Variants in ADGRE5 observed in about 807,000 individuals in gnomAD.
ADGRE5 encodes adhesion G protein-coupled receptor E5.
In ADGRE5, 72 loss-of-function variants were observed where a neutral mutation model predicts 100.3. The ratio of observed to expected loss-of-function variants is 0.72; its 90% CI spans 0.59 to 0.87. The LOEUF (loss-of-function observed/expected upper bound fraction) is 0.87. ADGRE5 is among the 40% of genes least tolerant of loss of function. The pLI, the probability that ADGRE5 is intolerant of heterozygous loss-of-function variation, is 0.00. For missense variants in ADGRE5, 959 were observed against 1,094.7 expected, an observed-to-expected ratio of 0.88 and a Z score of 1.75; for synonymous variants, 439 against 447.8, an observed-to-expected ratio of 0.98 and a Z score of 0.25.
chr19:14,381,540 T>G lies in ADGRE5; in HGVS notation c.17T>G (p.Phe6Cys). 1.2e-6 allele frequency: 2 copies of G among 1,608,754 alleles called. No individual in the cohort carries two copies. The highest frequency in any genetic ancestry group is 1.7e-6 in the Non-Finnish European group (2 of 1,178,308). Residue 6 changes from phenylalanine to cysteine, a missense_variant, in exon 1 of 20, where the codon TTT (phenylalanine) becomes TGT (cysteine). This residue lies in a region of ADGRE5 where 114 missense variants were observed against 195.7 expected (regional missense o/e 0.58). Transcript: ENST00000242786. MGGRV[F>C]LAFCVWLTLP... ...GCTCCAACCATGGGAGGCCGCGTCTTTCTCGGTAAGTACTTTGGGGCCCCG... is the reference window on the plus strand; with the variant it reads ...GCTCCAACCATGGGAGGCCGCGTCTGTCTCGGTAAGTACTTTGGGGCCCCG...
Position 14,401,354 on chromosome 19 carries a change from C to T in ADGRE5, c.898-32C>T. The T allele has an allele frequency of 1.2e-6, 2 of 1,603,718 alleles. No individual in the cohort carries two copies. Among genetic ancestry groups the T allele is most frequent in the Non-Finnish European group, 1.7e-6 (2 of 1,174,002 alleles). ...TTCAGGCAACCCCTGTGGTCTGATG[C>T]TCCAGCGATTCTGTCACCCGCCACC... On this transcript the variant is annotated intron_variant, in intron 9 of 19. Coordinates refer to ENST00000242786, the MANE Select transcript of ADGRE5 (RefSeq NM_078481.4). The surrounding 1 kb of genome is among the most constrained non-coding windows in gnomAD (Gnocchi z 4.1).
chr19:14,386,735 T>C (rs1212170583), intron 1 of ADGRE5, among the ~76,000 whole-genome samples: 52 of 120,876 alleles, frequency 4.3e-4, no homozygotes, highest in South Asian at 1.8e-3. Context: ...GATGGCAGGC[T>C]GGGCACGGTG....
chr19:14,391,110 C>T, intron 4 of ADGRE5, 31 bp downstream of exon 4: 1 of 1,613,506 alleles, frequency 6.2e-7, no homozygotes, highest in Non-Finnish European at 8.5e-7. Flanking sequence ...TCTGACTTTC[C>T]ATCCATGAGG....
At position 14,406,146 on chromosome 19, in the gene ADGRE5, G is replaced by A. The variant is rs951488984; in HGVS notation, c.1822-185G>A. 1.3e-5 allele frequency among the ~76,000 whole-genome samples: 2 copies of A among 152,164 alleles called. No individual in the cohort carries two copies. Among genetic ancestry groups the A allele is most frequent in the Non-Finnish European group, 2.9e-5 (2 of 68,012 alleles). On this transcript the variant is annotated intron_variant, in intron 14 of 19. Transcript: ENST00000242786. This position sits in a 1 kb window ranked among gnomAD's most constrained non-coding sequence, Gnocchi z 6.0. Reference sequence around the variant, plus strand: ...TTGGAGCTGCCTGGCCACACCCCGAGTGCCCGCTCGCTTCTGAGCGTTGTT... The same window carrying A: ...TTGGAGCTGCCTGGCCACACCCCGAATGCCCGCTCGCTTCTGAGCGTTGTT...
chr19:14,395,253 A>T (rs1394951568), intron 4 of ADGRE5, among the ~76,000 whole-genome samples: 2 of 151,354 alleles, frequency 1.3e-5, no homozygotes, highest in Admixed American at 1.3e-4. Context: ...GTGAGCTGAG[A>T]TCACATCATT....
chr19:14,405,639 GAGGTC>G (rs1445009775), intron 13 of ADGRE5, 104 bp from the exon 14 acceptor site: 1 of 740,936 alleles, frequency 1.3e-6, no homozygotes. Context: ...GACAAGGGAG[GAGGTC>G]AGAGAGGTGG....
rs764898074 is a variant in ADGRE5 at position 14,404,334 on chromosome 19, A to G, written c.1450-49A>G. 4.5e-6 allele frequency: 7 copies of G among 1,560,006 alleles called. No homozygotes were observed. In the South Asian group the frequency reaches 8.1e-5, roughly 18 times the overall value. On this transcript the variant is annotated intron_variant, in intron 12 of 19. Coordinates refer to ENST00000242786, the MANE Select transcript of ADGRE5 (RefSeq NM_078481.4). ...TAGACTCAGCCCAAGCCCAGGACCTAAGAGTGAGCTCCAGGCCAACCTTTC... is the reference window on the plus strand; with the variant it reads ...TAGACTCAGCCCAAGCCCAGGACCTGAGAGTGAGCTCCAGGCCAACCTTTC...
At chr19:14,384,194 T>C (rs1485238686) in intron 1 of ADGRE5, among the ~76,000 whole-genome samples, 3 of 151,914 alleles carry the variant, frequency 2.0e-5, no homozygotes, top group Admixed American at 1.3e-4. Context: ...AGTACGGGCT[T>C]GGGCTGGGGG....
rs766196955 is a variant in ADGRE5 at position 14,408,129 on chromosome 19, TG to T, written c.*10del. On this transcript the variant is annotated 3_prime_UTR_variant, in exon 20 of 20. Transcript: ENST00000242786. Reference sequence around the variant, plus strand: ...TCAGAGTCCGGCATATGAAGGCGCATGGTTCTGGACGGCCCAGCAGCTCCTG... The same window carrying T: ...TCAGAGTCCGGCATATGAAGGCGCATGTTCTGGACGGCCCAGCAGCTCCTG... The T allele has an allele frequency of 3.1e-6, 5 of 1,612,710 alleles. No individual in the cohort carries two copies. Among genetic ancestry groups the T allele is most frequent in the Non-Finnish European group, 4.2e-6 (5 of 1,179,950 alleles).
At chr19:14,400,842 C>T (rs1355994782) in intron 9 of ADGRE5, among the ~76,000 whole-genome samples, 5 of 151,932 alleles carry the variant, frequency 3.3e-5, no homozygotes, top group African/African-American at 1.2e-4. Context: ...ATAGATCCAA[C>T]GTATTAACCA....
In ADGRE5 at chr19:14,404,556, C is replaced by T. The variant is rs45466292; in HGVS notation, c.1623C>T (p.Asp541=). ...TTGCGATCCTTATGGCTCATTATGA[C>T]GTGGAGGTAAGTAGCTGGAGGCATC... ...SSFAILMAHY[D]VEDWKLTLIT... Residue 541 remains aspartate (D), a synonymous_variant, in exon 13 of 20, where the codon GAC becomes GAT. Transcript: ENST00000242786. 14,932 of 1,612,406 alleles carry T rather than the reference C, an allele frequency of 9.3e-3. 87 individuals are homozygous for T. Among genetic ancestry groups the T allele is most frequent in the Non-Finnish European group, 0.012 (13,734 of 1,179,372 alleles).
Position 14,408,430 on chromosome 19 carries a change from G to A in ADGRE5, c.*309G>A, listed in dbSNP as rs1976379200. The stretch of plus-strand genomic sequence containing the variant: ...CCCTGGCACCTGTGGCCAGTACTCG[G>A]GACAGACTAAGGGCGCTTGTCCCAT... On this transcript the variant is annotated 3_prime_UTR_variant, in exon 20 of 20. Coordinates refer to ENST00000242786, the MANE Select transcript of ADGRE5 (RefSeq NM_078481.4). 1 of 583,284 alleles carries A rather than the reference G, an allele frequency of 1.7e-6. No homozygotes were observed. The highest frequency in any genetic ancestry group is 2.0e-5 in the South Asian group (1 of 49,570). The allele number at this position is 583,284 out of a possible 1,614,324, so 36.1% of individuals were successfully genotyped here.
intron 4 of ADGRE5, chr19:14,391,330 T>G (rs1975594831): frequency 7.3e-6 from 4 of 547,790 alleles, no homozygotes; most frequent in South Asian, 2.3e-5. Context: ...GCCAGGATAC[T>G]TATTCAGAAA....
intron 12 of ADGRE5, among the ~76,000 whole-genome samples, chr19:14,403,311 C>T (rs113992688): frequency 0.016 from 2,357 of 151,752 alleles, 58 homozygotes; most frequent in African/African-American, 0.052. Flanking sequence ...CAAAGTACTG[C>T]GATTACAGGC....
At chr19:14,407,307 G>A in intron 18 of ADGRE5, 78 bp downstream of exon 18, 1 of 1,539,696 alleles carries the variant, frequency 6.5e-7, no homozygotes, top group Non-Finnish European at 8.9e-7. Flanking sequence ...GATTGCTTGA[G>A]CCCAGAAGTT....
rs769156862 is a variant in ADGRE5, at chr19:14,390,899, G to C, written c.191-25G>C. 2.9e-5 allele frequency: 46 copies of C among 1,609,580 alleles called. No individual in the cohort carries two copies. In the East Asian group the frequency reaches 1.0e-3, roughly 35 times the overall value. On this transcript the variant is annotated intron_variant, in intron 3 of 19. Coordinates refer to ENST00000242786, the MANE Select transcript of ADGRE5 (RefSeq NM_078481.4). ...GACAGAACTCACATCTTTGGGAGGT[G>C]ACTCCCTGTCCTGTTGTGTTCCAGA...
chr19:14,396,182 G>C (rs1975768568), intron 4 of ADGRE5, 160 bp from the exon 5 acceptor site: 1 of 1,357,328 alleles, frequency 7.4e-7, no homozygotes, highest in Non-Finnish European at 1.0e-6. Context: ...CAGAAGGACT[G>C]AGCCACCACC....
chr19:14,397,283 G>A (rs947066445), intron 6 of ADGRE5, 60 bp downstream of exon 6: 139 of 1,610,190 alleles, frequency 8.6e-5, no homozygotes, highest in Middle Eastern at 6.6e-4. Context: ...CATGTTCAAC[G>A]GCGCCCACAC....
At chr19:14,390,833 C>G in intron 3 of ADGRE5, 91 bp from the exon 4 acceptor site, 1 of 1,479,238 alleles carries the variant, frequency 6.8e-7, no homozygotes, top group Non-Finnish European at 9.3e-7. Context: ...TACTAAGCAG[C>G]AGGCCCCATG....
Sources: allele counts gnomAD v4.1 joint callset (sites outside exome capture counted in the v4.1 genomes callset), GRCh38; gene constraint gnomAD v4.1.1; regional missense constraint gnomAD v4.1.1; non-coding constraint Gnocchi (gnomAD v3.1); transcripts MANE v1.5; gene names NCBI Gene and HGNC (gene_info 2026-07-23, HGNC 2026-07-21).